SCAF4: variants seen among roughly 807,000 people sequenced by gnomAD.
The protein encoded by SCAF4 is SR-related and CTD-associated factor 4.
In SCAF4, 25 loss-of-function variants were observed where a neutral mutation model predicts 129.8. That is an observed-to-expected ratio of 0.19 (90% CI 0.14 to 0.27). The LOEUF is 0.27. SCAF4 is among the 10% of genes least tolerant of loss of function. The pLI is 1.00. For synonymous variants in SCAF4, 551 were observed against 497.7 expected (o/e 1.11, Z -1.43); for missense variants, 1,246 against 1,457.1 (o/e 0.86, Z 2.36).
Position 31,731,865 on chromosome 21 carries a change from G to A in SCAF4, c.-173C>T. 1.6e-6 allele frequency: 1 copy of A among 628,764 alleles called. No homozygotes were observed. The highest frequency in any genetic ancestry group is 3.4e-5 in the East Asian group (1 of 29,144). 38.9% of individuals were successfully genotyped at this position (628,764 alleles called of 1,614,324 possible). The stretch of plus-strand genomic sequence containing the variant: ...GCCCGAAGCGGCGAGGCGGGCGGCC[G>A]AGGCAGAGGCGGAGAGGTGGCGGGC... On this transcript the variant is annotated 5_prime_UTR_variant, in exon 1 of 20. Transcript: ENST00000286835.
chr21:31,692,313 T>A (rs889163061), intron 13 of SCAF4, 36 bp downstream of exon 13: 16 of 1,468,302 alleles, frequency 1.1e-5, no homozygotes, highest in Non-Finnish European at 1.4e-5. Context: ...TAATCACACC[T>A]GTCCATCGTA....
chr21:31,703,211 T>G (rs1347307369), intron 4 of SCAF4, among the ~76,000 whole-genome samples: 1 of 152,172 alleles, frequency 6.6e-6, no homozygotes, highest in Non-Finnish European at 1.5e-5. Context: ...ATGATCGCTG[T>G]CTTTTCCTAC....
At chr21:31,731,225 G>C (rs1286986956) in intron 1 of SCAF4, among the ~76,000 whole-genome samples, 1 of 152,076 alleles carries the variant, frequency 6.6e-6, no homozygotes, top group Admixed American at 6.6e-5. Context: ...CCCCACGACC[G>C]GCAGATGCTC....
intron 19 of SCAF4, among the ~76,000 whole-genome samples, chr21:31,682,165 G>A (rs1038523817): frequency 1.3e-5 from 2 of 152,068 alleles, no homozygotes; most frequent in African/African-American, 2.4e-5. Flanking sequence ...TGGCTCACGA[G>A]GTCAAGAGAT....
At chr21:31,691,970 T>G (rs1298438327) in intron 13 of SCAF4, 40 bp from the exon 14 acceptor site, 1 of 1,118,196 alleles carries the variant, frequency 8.9e-7, no homozygotes, top group East Asian at 2.4e-5. Flanking sequence ...GATAACAAAA[T>G]TGAAAAGCAA....
chr21:31,700,752 TTTTTTC>T, intron 7 of SCAF4: 1 of 404,138 alleles, frequency 2.5e-6, no homozygotes, highest in Non-Finnish European at 4.5e-6. Context: ...TTTTTTTTTT[TTTTTTC>T]ACTTTTTTAA....
intron 16 of SCAF4, among the ~76,000 whole-genome samples, chr21:31,687,527 T>A (rs770804883): frequency 6.6e-6 from 1 of 152,224 alleles, no homozygotes; most frequent in African/African-American, 2.4e-5. Context: ...GTTGGCTGAC[T>A]AGACAGCAAA....
chr21:31,675,669 G>C (rs937048428), intron 19 of SCAF4, among the ~76,000 whole-genome samples: 1 of 152,196 alleles, frequency 6.6e-6, no homozygotes, highest in Non-Finnish European at 1.5e-5. Context: ...GACCAAAACA[G>C]TGATGGCTCT....
In SCAF4 at chr21:31,688,114, C is replaced by CAAAAAAAAAAAAAAAAAAAAAAAAA. The variant is rs61592268; in HGVS notation, c.2043+168_2043+192dup. On this transcript the variant is annotated intron_variant, in intron 16 of 19. Coordinates refer to ENST00000286835, the MANE Select transcript of SCAF4 (RefSeq NM_020706.2). ...TGGGCAACAAAGAGAGACTCTGTCT[C>CAAAAAAAAAAAAAAAAAAAAAAAAA]AAAAAAAAAAAAAAAAAAAAAAAAA... Among the ~76,000 whole-genome samples the CAAAAAAAAAAAAAAAAAAAAAAAAA allele has an allele frequency of 1.8e-4, 2 of 10,908 alleles. 1 individual carries two copies. Among genetic ancestry groups the CAAAAAAAAAAAAAAAAAAAAAAAAA allele is most frequent in the Non-Finnish European group, 3.3e-4 (2 of 6,040 alleles). The allele number at this position is 10,908 out of a possible 152,430, so 7.2% of individuals were successfully genotyped here.
At chr21:31,717,803 A>C (rs2123660342) in intron 1 of SCAF4, among the ~76,000 whole-genome samples, 1 of 150,060 alleles carries the variant, frequency 6.7e-6, no homozygotes, top group East Asian at 2.0e-4. Flanking sequence ...GCAAAAAAAA[A>C]AAAATTTTTG....
intron 7 of SCAF4, among the ~76,000 whole-genome samples, chr21:31,700,294 C>T (rs890779020): frequency 7.9e-5 from 12 of 151,500 alleles, no homozygotes; most frequent in East Asian, 1.9e-4. Flanking sequence ...TAAACACAGA[C>T]GGAGTCTCAC....
At chr21:31,722,439 A>C (rs1250833540) in intron 1 of SCAF4, among the ~76,000 whole-genome samples, 2 of 152,202 alleles carry the variant, frequency 1.3e-5, no homozygotes, top group African/African-American at 4.8e-5. Context: ...ATTTACAAAC[A>C]ACCAGAATCG....
At chr21:31,704,494 C>A (rs2050607614) in intron 3 of SCAF4, among the ~76,000 whole-genome samples, 1 of 150,572 alleles carries the variant, frequency 6.6e-6, no homozygotes, top group South Asian at 2.1e-4. Context: ...AAAGCAAAGT[C>A]TTATTTAATC....
chr21:31,725,571 TA>T (rs1328106800), intron 1 of SCAF4, among the ~76,000 whole-genome samples: 4 of 152,232 alleles, frequency 2.6e-5, no homozygotes, highest in African/African-American at 7.2e-5. Flanking sequence ...AAAGTAGCAT[TA>T]TATGCATACC....
intron 7 of SCAF4, 49 bp from the exon 8 acceptor site, chr21:31,696,799 T>C (rs1243611709): frequency 1.4e-6 from 2 of 1,480,596 alleles, no homozygotes; most frequent in Non-Finnish European, 1.8e-6. Flanking sequence ...ACTGATTCAC[T>C]GCACAAAAAA....
At chr21:31,696,450 C>A in intron 8 of SCAF4, 119 bp downstream of exon 8, 1 of 1,096,000 alleles carries the variant, frequency 9.1e-7, no homozygotes, top group Non-Finnish European at 1.2e-6. Context: ...AAAACTAATA[C>A]CACAAATTTT....
chr21:31,731,703 C>T lies in SCAF4; in HGVS notation c.-11G>A. On this transcript the variant is annotated 5_prime_UTR_variant, in exon 1 of 20. Coordinates refer to ENST00000286835, the MANE Select transcript of SCAF4 (RefSeq NM_020706.2). ...GTTGACGGCGTCCATGTTCGCGCTG[C>T]GGCGGCGGCTGCTCCGGGCCCGCCG... is the stretch of plus-strand genomic sequence containing the variant. 1 of 1,579,360 alleles carries T rather than the reference C, an allele frequency of 6.3e-7. No individual in the cohort carries two copies. The highest frequency in any genetic ancestry group is 8.6e-7 in the Non-Finnish European group (1 of 1,169,058).
intron 19 of SCAF4, among the ~76,000 whole-genome samples, chr21:31,677,363 C>G (rs973043255): frequency 2.6e-5 from 4 of 152,076 alleles, no homozygotes; most frequent in South Asian, 2.1e-4. Context: ...CTTTCAGAAA[C>G]AAGAACAAAA....
At chr21:31,675,767 C>T (rs539207033) in intron 19 of SCAF4, among the ~76,000 whole-genome samples, 2 of 152,068 alleles carry the variant, frequency 1.3e-5, no homozygotes, top group African/African-American at 2.4e-5. Context: ...TTTCCTATGA[C>T]GATCCAAAAA....
Sources: gnomAD v4.1 joint callset for allele counts (sites outside exome capture counted in the v4.1 genomes callset) on GRCh38, gnomAD v4.1.1 for gene constraint, MANE v1.5 for transcripts, NCBI Gene and HGNC (gene_info 2026-07-23, HGNC 2026-07-21) for gene names.